ZNF665: variants seen among roughly 807,000 people sequenced by gnomAD.
The protein encoded by ZNF665 is zinc finger protein 665.
In ZNF665, 6 loss-of-function variants were observed where a neutral mutation model predicts 7.9. The observed-to-expected ratio is 0.76, with a 90% CI of 0.42 to 1.50. ZNF665 has a LOEUF of 1.50. ZNF665 is among the 40% of genes most tolerant of loss of function. The probability of loss-of-function intolerance (pLI) is 0.01; values close to 1 mark genes in which losing one functional copy is unlikely to be tolerated. For missense variants in ZNF665, 819 were observed against 806.7 expected, an observed-to-expected ratio of 1.02 and a Z score of -0.18; for synonymous variants, 242 against 274.5, an observed-to-expected ratio of 0.88 and a Z score of 1.17.
chr19:53,183,026 C>T, intron 1 of ZNF665, 83 bp from the exon 2 acceptor site: 1 of 1,392,606 alleles, frequency 7.2e-7, no homozygotes, highest in Non-Finnish European at 1.0e-6. Context: ...AACACACCCC[C>T]TCCCTGGGCC....
At chr19:53,179,148 T>A (rs1034495556) in intron 2 of ZNF665, among the ~76,000 whole-genome samples, 1 of 151,668 alleles carries the variant, frequency 6.6e-6, no homozygotes, top group African/African-American at 2.4e-5. Flanking sequence ...CCGAGGCGGG[T>A]GGATCACGAG....
Position 53,165,172 on chromosome 19 carries a change from T to C in ZNF665, c.1318A>G (p.Ser440Gly), listed in dbSNP as rs1407502556. ...YRCDECGKAF[S>G]VRSSLTTHQA... Reference sequence around the variant, plus strand: ...TGGGTAGTTAGGCTTGATCGCACACTAAAGGCTTTGCCACACTCATCACAC... The same window carrying C: ...TGGGTAGTTAGGCTTGATCGCACACCAAAGGCTTTGCCACACTCATCACAC... The change falls in exon 4 of 4, where the codon AGT (serine) becomes GGT (glycine). Residue 440 changes from serine to glycine, a missense_variant. Ser to Gly is a moderately conservative substitution (Grantham distance 56, BLOSUM62 0). Coordinates refer to ENST00000396424, the MANE Select transcript of ZNF665 (RefSeq NM_024733.5). 1.2e-6 allele frequency: 2 copies of C among 1,614,070 alleles called. No individual in the cohort carries two copies. The highest frequency in any genetic ancestry group is 1.1e-5 in the South Asian group (1 of 91,086).
chr19:53,173,034 A>G (rs2090670282), intron 3 of ZNF665, among the ~76,000 whole-genome samples: 1 of 152,144 alleles, frequency 6.6e-6, no homozygotes, highest in South Asian at 2.1e-4. Context: ...TGCAGTGCAG[A>G]AGCATTTTCA....
At position 53,165,519 on chromosome 19, in the gene ZNF665, C is replaced by G. The variant is rs750848455; in HGVS notation, c.971G>C (p.Gly324Ala). 6.2e-7 allele frequency: 1 copy of G among 1,613,898 alleles called. No homozygotes were observed. Among genetic ancestry groups the G allele is most frequent in the Non-Finnish European group, 8.5e-7 (1 of 1,179,942 alleles). ...GEKPYKCNEC[G>A]KAFSVRSSLT... ...GCTTGAGCGAACACTAAAGGCTTTG[C>G]CACACTCATTACACTTGTAAGGCTT... The change falls in exon 4 of 4, where the codon GGC becomes GCC. Residue 324 changes from glycine (G) to alanine (A), a missense_variant. Coordinates refer to ENST00000396424, the MANE Select transcript of ZNF665 (RefSeq NM_024733.5).
chr19:53,191,959 CTGTG>C (rs1357571099), intron 1 of ZNF665: 1 of 152,140 alleles, frequency 6.6e-6, no homozygotes, highest in Non-Finnish European at 1.5e-5. Context: ...TTCTTCCTTC[CTGTG>C]TGTTTCCCTC....
intron 3 of ZNF665, among the ~76,000 whole-genome samples, chr19:53,166,991 AT>A (rs753411020): frequency 2.1e-4 from 31 of 150,788 alleles, no homozygotes; most frequent in Non-Finnish European, 4.0e-4. Flanking sequence ...TAACAGTTAT[AT>A]TTCTTTCTTT....
At position 53,176,446 on chromosome 19, in the gene ZNF665, C is replaced by T. The variant is rs182849416; in HGVS notation, c.16-875G>A. Among the ~76,000 whole-genome samples, 309 of 152,256 alleles carry T rather than the reference C, an allele frequency of 2.0e-3. 2 individuals carry two copies. The highest frequency in any genetic ancestry group is 7.3e-3 in the African/African-American group (303 of 41,572). Reference sequence around the variant, plus strand: ...CTTCTCCCTATCTCACCCAATAGATCGCTTCCACCTGCATTCTTTGTTATA... The same window carrying T: ...CTTCTCCCTATCTCACCCAATAGATTGCTTCCACCTGCATTCTTTGTTATA... On this transcript the variant is annotated intron_variant, in intron 2 of 3. Coordinates refer to ENST00000396424, the MANE Select transcript of ZNF665 (RefSeq NM_024733.5).
chr19:53,182,872 A>G lies in ZNF665; in HGVS notation c.15+12T>C, dbSNP rs1465637032. On this transcript the variant is annotated intron_variant, in intron 2 of 3. Coordinates refer to ENST00000396424, the MANE Select transcript of ZNF665 (RefSeq NM_024733.5). ...AAGGAGACAGAACAATCCACCGAGA[A>G]TATCATCTCACCTGAGGAAGAGCCA... 3.7e-6 allele frequency: 6 copies of G among 1,612,944 alleles called. No individual in the cohort carries two copies. Among genetic ancestry groups the G allele is most frequent in the Non-Finnish European group, 5.1e-6 (6 of 1,180,004 alleles).
rs529964005 is a variant in ZNF665, at chr19:53,175,796, G to A, written c.16-225C>T. 4.1e-3 allele frequency among the ~76,000 whole-genome samples: 626 copies of A among 152,270 alleles called. 6 individuals are homozygous for A. Among genetic ancestry groups the A allele is most frequent in the African/African-American group, 0.015 (607 of 41,554 alleles). On this transcript the variant is annotated intron_variant, in intron 2 of 3. Coordinates refer to ENST00000396424, the MANE Select transcript of ZNF665 (RefSeq NM_024733.5). ...TAAGTATCTTTTTGTATGTCAGTGAGGCTAACTGGTGGCTGAAGGCTGCTA... is the reference window on the plus strand; with the variant it reads ...TAAGTATCTTTTTGTATGTCAGTGAAGCTAACTGGTGGCTGAAGGCTGCTA...
At chr19:53,174,405 T>C (rs1046381017) in intron 3 of ZNF665, among the ~76,000 whole-genome samples, 10 of 152,172 alleles carry the variant, frequency 6.6e-5, no homozygotes, top group African/African-American at 2.4e-4. Flanking sequence ...AAAAAAATTC[T>C]TATCAGTGAT....
At chr19:53,183,697 G>C (rs1300280038) in intron 1 of ZNF665, among the ~76,000 whole-genome samples, 1 of 152,130 alleles carries the variant, frequency 6.6e-6, no homozygotes, top group Non-Finnish European at 1.5e-5. Context: ...CCCCACTGAG[G>C]AAGTGATATC....
At chr19:53,168,843 G>A (rs1422381250) in intron 3 of ZNF665, among the ~76,000 whole-genome samples, 1 of 152,088 alleles carries the variant, frequency 6.6e-6, no homozygotes, top group Non-Finnish European at 1.5e-5. Context: ...ATTCCATGGA[G>A]AAAAGACAGT....
chr19:53,183,557 C>T (rs2090754552), intron 1 of ZNF665, among the ~76,000 whole-genome samples: 1 of 150,830 alleles, frequency 6.6e-6, no homozygotes, highest in African/African-American at 2.4e-5. Context: ...GGGGCCTTGT[C>T]ATCAGGATCC....
chr19:53,173,808 A>T (rs112283386), intron 3 of ZNF665, among the ~76,000 whole-genome samples: 2,873 of 152,204 alleles, frequency 0.019, 78 homozygotes, highest in African/African-American at 0.054. Flanking sequence ...GTTTTGTTCA[A>T]TGAATCCCAT....
rs781100626 is a variant in ZNF665 at position 53,164,911 on chromosome 19, A to T, written c.1579T>A (p.Ser527Thr). Residue 527 changes from serine (S) to threonine (T), a missense_variant, in exon 4 of 4, where the codon TCA becomes ACA. Coordinates refer to ENST00000396424, the MANE Select transcript of ZNF665 (RefSeq NM_024733.5). ...NECGKAFSVH[S>T]SLTIHQTIHT... ...ATTGTCTGATGTATAGTTAGGCTTGAATGAACACTAAAGGCTTTGCCACAC... is the reference window on the plus strand; with the variant it reads ...ATTGTCTGATGTATAGTTAGGCTTGTATGAACACTAAAGGCTTTGCCACAC... 10 of 1,614,210 alleles carry T rather than the reference A, an allele frequency of 6.2e-6. No individual in the cohort carries two copies. The highest frequency in any genetic ancestry group is 1.3e-5 in the African/African-American group (1 of 75,058).
chr19:53,176,257 G>T (rs939581234), intron 2 of ZNF665, among the ~76,000 whole-genome samples: 5 of 152,254 alleles, frequency 3.3e-5, no homozygotes, highest in African/African-American at 1.2e-4. Context: ...AGGGCTGAAG[G>T]TTCAGTTGAA....
rs900117307 is a variant in ZNF665 at position 53,175,626 on chromosome 19, C to G, written c.16-55G>C. The stretch of plus-strand genomic sequence containing the variant: ...ACTATGAGGAAAATTTGAATCTTCA[C>G]ATAAAACAAGAAGAGGAGAGAGCTG... On this transcript the variant is annotated intron_variant, in intron 2 of 3. Transcript: ENST00000396424. 4.7e-5 allele frequency: 73 copies of G among 1,553,746 alleles called. No individual in the cohort carries two copies. The African/African-American group carries it at 8.6e-4, about 18-fold the overall frequency.
In ZNF665 at chr19:53,165,269, G is replaced by A. The variant is rs57411466; in HGVS notation, c.1221C>T (p.Cys407=). Residue 407 remains cysteine, a synonymous_variant, in exon 4 of 4, where the codon TGC becomes TGT. Transcript: ENST00000396424. ...TGEKPFKCNE[C]VKVFTQYSHL... ...GTGAATACTGAGTGAAAACCTTGAC[G>A]CATTCATTACATTTGAAAGGCTTTT... 2,101 of 1,612,490 alleles carry A rather than the reference G, an allele frequency of 1.3e-3. 27 individuals are homozygous for A. In the African/African-American group the frequency reaches 0.024, roughly 19 times the overall value.
intron 3 of ZNF665, among the ~76,000 whole-genome samples, chr19:53,172,908 T>C (rs2090669511): frequency 6.6e-6 from 1 of 152,064 alleles, no homozygotes. Context: ...TTTCATGCTA[T>C]TGAGTAGTTT....
Sources: gnomAD v4.1 joint callset for allele counts (sites outside exome capture counted in the v4.1 genomes callset) on GRCh38, gnomAD v4.1.1 for gene constraint, MANE v1.5 for transcripts, NCBI Gene and HGNC (gene_info 2026-07-23, HGNC 2026-07-21) for gene names.